Variants in NUP155 observed in about 807,000 individuals in gnomAD.
NUP155 encodes the protein nuclear pore complex protein Nup155.
Under a neutral mutation model 180.4 loss-of-function variants are expected in NUP155, and 71 were observed. The ratio of observed to expected loss-of-function variants is 0.39; its 90% confidence interval spans 0.33 to 0.48. NUP155 has a LOEUF of 0.48. NUP155 is among the 20% of genes least tolerant of loss of function. The pLI, the probability that NUP155 is intolerant of heterozygous loss-of-function variation, is 0.91. For synonymous variants in NUP155, 582 were observed against 559.5 expected (o/e 1.04, Z -0.57); for missense variants, 1,553 against 1,648.9 (o/e 0.94, Z 1.01).
intron 16 of NUP155, 37 bp downstream of exon 16, chr5:37,329,153 G>T (rs770690404): frequency 2.2e-5 from 33 of 1,486,506 alleles, no homozygotes; most frequent in Non-Finnish European, 3.1e-5. Context: ...AGATTCAAAC[G>T]ATTAGAAACA....
intron 1 of NUP155, among the ~76,000 whole-genome samples, chr5:37,369,347 C>T (rs1053542874): frequency 6.6e-6 from 1 of 152,138 alleles, no homozygotes; most frequent in Admixed American, 6.5e-5. Flanking sequence ...AAGAACATTG[C>T]AGAAACAATA....
At chr5:37,350,920 A>G (rs1409175205) in intron 6 of NUP155, among the ~76,000 whole-genome samples, 1 of 152,028 alleles carries the variant, frequency 6.6e-6, no homozygotes, top group African/African-American at 2.4e-5. Flanking sequence ...ATGTGTATAT[A>G]CACACAAACA....
chr5:37,356,771 T>C (rs1043829433), intron 4 of NUP155, among the ~76,000 whole-genome samples: 1 of 152,000 alleles, frequency 6.6e-6, no homozygotes, highest in Non-Finnish European at 1.5e-5. Context: ...GCTTGTGACG[T>C]TTCTAAGATT....
At chr5:37,308,766 G>A (rs902570504) in intron 24 of NUP155, among the ~76,000 whole-genome samples, 4 of 150,844 alleles carry the variant, frequency 2.7e-5, no homozygotes, top group African/African-American at 9.8e-5. Context: ...TGTAATACCA[G>A]CTACCCGGGA....
At chr5:37,313,499 G>C (rs1020515428) in intron 22 of NUP155, among the ~76,000 whole-genome samples, 2 of 150,424 alleles carry the variant, frequency 1.3e-5, no homozygotes, top group African/African-American at 4.9e-5. Context: ...GTGTGTGTGT[G>C]TGTGTGAGAG....
chr5:37,296,014 G>GC (rs537985917), intron 32 of NUP155, among the ~76,000 whole-genome samples: 1 of 138,874 alleles, frequency 7.2e-6, no homozygotes, highest in Admixed American at 7.0e-5. Context: ...GGGGGGGTCA[G>GC]CCCCCCGCCC....
chr5:37,308,489 G>T lies in NUP155; in HGVS notation c.2767+640C>A, dbSNP rs370031763. Among the ~76,000 whole-genome samples, 719 of 152,166 alleles carry T rather than the reference G, an allele frequency of 4.7e-3. 4 individuals carry two copies. Among genetic ancestry groups the T allele is most frequent in the Middle Eastern group, 0.01 (3 of 294 alleles). ...TGAGGTGGGTGGATCATGAGGTCAG[G>T]AGATTGAGACCATCCTGGCTAACAT... On this transcript the variant is annotated intron_variant, in intron 24 of 34. Transcript: ENST00000231498.
At chr5:37,329,143 A>T (rs184686845) in intron 16 of NUP155, 47 bp downstream of exon 16, 86 of 1,417,728 alleles carry the variant, frequency 6.1e-5, no homozygotes, top group Non-Finnish European at 8.4e-5. Flanking sequence ...AAAGGTTCTA[A>T]GATTCAAACG....
intron 20 of NUP155, among the ~76,000 whole-genome samples, chr5:37,320,401 C>A (rs1219040372): frequency 1.3e-5 from 2 of 152,058 alleles, no homozygotes; most frequent in Admixed American, 1.3e-4. Flanking sequence ...CGCTTGAACC[C>A]GGGAGGCGGA....
chr5:37,305,425 T>C (rs980204457), intron 25 of NUP155, among the ~76,000 whole-genome samples: 1 of 152,088 alleles, frequency 6.6e-6, no homozygotes, highest in Non-Finnish European at 1.5e-5. Context: ...CTCACACCTG[T>C]AATCCCAGCA....
chr5:37,331,748 A>G lies in NUP155; in HGVS notation c.1566T>C (p.His522=). The change falls in exon 14 of 35, where the codon CAT becomes CAC. Residue 522 remains histidine (H), a synonymous_variant. Coordinates refer to ENST00000231498, the MANE Select transcript of NUP155 (RefSeq NM_153485.3). ...HKLRPVDQLR[H]LLVSNVGGDG... ...CTCCTCCCACATTACTCACAAGTAG[A>G]TGCCTCAGTTGATCTACAGGTCTAA... 6.2e-7 allele frequency: 1 copy of G among 1,612,076 alleles called. No individual in the cohort carries two copies. Among genetic ancestry groups the G allele is most frequent in the Non-Finnish European group, 8.5e-7 (1 of 1,179,152 alleles).
rs201714686 is a variant in NUP155 at position 37,358,063 on chromosome 5, T to C, written c.463+18A>G. ...ACATATACAAACATAATCTCTTCCTTATAGTTTTATTTCTTACCTGCTTTT... is the reference window on the plus strand; with the variant it reads ...ACATATACAAACATAATCTCTTCCTCATAGTTTTATTTCTTACCTGCTTTT... On this transcript the variant is annotated intron_variant, in intron 4 of 34. Coordinates refer to ENST00000231498, the MANE Select transcript of NUP155 (RefSeq NM_153485.3). 6.9e-5 allele frequency: 107 copies of C among 1,555,626 alleles called. No homozygotes were observed. The East Asian group carries it at 2.4e-3, about 35-fold the overall frequency.
chr5:37,296,398 A>C (rs1742572531), intron 32 of NUP155, among the ~76,000 whole-genome samples: 1 of 152,006 alleles, frequency 6.6e-6, no homozygotes, highest in Non-Finnish European at 1.5e-5. Flanking sequence ...TGCTCTCTGA[A>C]ACATGTGCTG....
At chr5:37,325,875 A>G (rs761529240) in intron 19 of NUP155, 26 bp downstream of exon 19, 1 of 1,486,042 alleles carries the variant, frequency 6.7e-7, no homozygotes, top group East Asian at 2.3e-5. Flanking sequence ...ACACAAAAAT[A>G]ACAAAATAAT....
At chr5:37,305,508 C>T (rs908225846) in intron 25 of NUP155, among the ~76,000 whole-genome samples, 1 of 152,018 alleles carries the variant, frequency 6.6e-6, no homozygotes, top group Non-Finnish European at 1.5e-5. Flanking sequence ...CTGGTGAAAC[C>T]CCGTATCTGA....
chr5:37,304,601 C>T, intron 27 of NUP155, 138 bp downstream of exon 27: 1 of 692,594 alleles, frequency 1.4e-6, no homozygotes, highest in Non-Finnish European at 2.5e-6. Flanking sequence ...AAAGATACTG[C>T]ATTACTCAGC....
In NUP155 at chr5:37,363,999, A is replaced by G; in HGVS notation, c.296-15T>C. 1 of 1,553,882 alleles carries G rather than the reference A, an allele frequency of 6.4e-7. No individual in the cohort carries two copies. The highest frequency in any genetic ancestry group is 8.9e-7 in the Non-Finnish European group (1 of 1,125,110). ...ACACTGCATATCTGAGGTAGTGTGGATGTAAGGCAGACAGAGGTGAATCTT... is the reference window on the plus strand; with the variant it reads ...ACACTGCATATCTGAGGTAGTGTGGGTGTAAGGCAGACAGAGGTGAATCTT... On this transcript the variant is annotated splice_polypyrimidine_tract_variant and intron_variant, in intron 2 of 34. Coordinates refer to ENST00000231498, the MANE Select transcript of NUP155 (RefSeq NM_153485.3).
At chr5:37,350,819 TAAAAAAA>T (rs57132136) in intron 6 of NUP155, among the ~76,000 whole-genome samples, 5 of 100,490 alleles carry the variant, frequency 5.0e-5, no homozygotes, top group Admixed American at 1.1e-4. Context: ...CCATCACATT[TAAAAAAA>T]AAAAAAAAAA....
chr5:37,318,721 AGAG>A lies in NUP155; in HGVS notation c.2208-639_2208-637del, dbSNP rs577441430. On this transcript the variant is annotated intron_variant, in intron 20 of 34. Coordinates refer to ENST00000231498, the MANE Select transcript of NUP155 (RefSeq NM_153485.3). Reference sequence around the variant, plus strand: ...TGTGTATCACAATACATAAAAAACGAGAGAAGAAAACTGATCAAAGCCAAGACG... The same window carrying A: ...TGTGTATCACAATACATAAAAAACGAAAGAAAACTGATCAAAGCCAAGACG... Among the ~76,000 whole-genome samples the A allele has an allele frequency of 1.1e-3, 163 of 152,340 alleles. 1 individual carries two copies. Among genetic ancestry groups the A allele is most frequent in the Non-Finnish European group, 1.8e-3 (120 of 68,040 alleles).
Sources: allele counts gnomAD v4.1 joint callset (sites outside exome capture counted in the v4.1 genomes callset), GRCh38; gene constraint gnomAD v4.1.1; transcripts MANE v1.5; gene names NCBI Gene and HGNC (gene_info 2026-07-23, HGNC 2026-07-21).